Variants in TMPRSS11E observed in about 807,000 individuals in gnomAD.
The protein encoded by TMPRSS11E is transmembrane protease serine 11E.
A neutral mutation model predicts 48.1 loss-of-function variants in TMPRSS11E; 38 were observed. The observed-to-expected ratio is 0.79, with a 90% confidence interval of 0.61 to 1.04. TMPRSS11E has a LOEUF of 1.04. TMPRSS11E is among the 50% of genes least tolerant of loss of function. The pLI, the probability that TMPRSS11E is intolerant of heterozygous loss-of-function variation, is 0.00. For missense variants in TMPRSS11E, 530 were observed against 510.8 expected (o/e 1.04, Z -0.36); for synonymous variants, 158 against 171.9 (o/e 0.92, Z 0.63).
chr4:68,478,617 G>A (rs1325471739), intron 8 of TMPRSS11E, among the ~76,000 whole-genome samples: 3 of 149,318 alleles, frequency 2.0e-5, no homozygotes, highest in Admixed American at 6.7e-5. Context: ...ACCACCCCCG[G>A]CTAATTTTTG....
At chr4:68,469,124 C>T (rs777240409) in intron 4 of TMPRSS11E, among the ~76,000 whole-genome samples, 178 bp downstream of exon 4, 5 of 152,028 alleles carry the variant, frequency 3.3e-5, no homozygotes, top group Non-Finnish European at 7.4e-5. Context: ...CCAAAGTAAG[C>T]ATTTGCAAGA....
At chr4:68,466,554 C>A in intron 2 of TMPRSS11E, 77 bp from the exon 3 acceptor site, 1 of 1,513,694 alleles carries the variant, frequency 6.6e-7, no homozygotes, top group South Asian at 1.2e-5. Context: ...CTTCCAGCAA[C>A]CACCAAGCGG....
chr4:68,497,037 A>G lies in TMPRSS11E; in HGVS notation c.*233A>G, dbSNP rs912555294. On this transcript the variant is annotated 3_prime_UTR_variant, in exon 10 of 10. Coordinates refer to ENST00000305363, the MANE Select transcript of TMPRSS11E (RefSeq NM_014058.4). The stretch of plus-strand genomic sequence containing the variant: ...GAGCAATAGTTGAAACTTTATGTAC[A>G]TAGAGAAATAGATAATACAATATTA... 4 of 444,266 alleles carry G rather than the reference A, an allele frequency of 9.0e-6. No homozygotes were observed. The highest frequency in any genetic ancestry group is 8.1e-5 in the African/African-American group (4 of 49,480). The allele number at this position is 444,266 out of a possible 1,614,324, so 27.5% of individuals were successfully genotyped here. A position where few individuals can be genotyped will look rare whatever the true frequency, so the allele number is the denominator to read the frequency against.
intron 9 of TMPRSS11E, among the ~76,000 whole-genome samples, chr4:68,486,249 T>C (rs1729548871): frequency 6.6e-6 from 1 of 152,206 alleles, no homozygotes; most frequent in Non-Finnish European, 1.5e-5. Context: ...TAATTTAAGA[T>C]ATTTATATCT....
chr4:68,447,478 T>C lies in TMPRSS11E; in HGVS notation c.-35T>C. 1 of 1,606,698 alleles carries C rather than the reference T, an allele frequency of 6.2e-7. No individual in the cohort carries two copies. Among genetic ancestry groups the C allele is most frequent in the East Asian group, 2.2e-5 (1 of 44,568 alleles). On this transcript the variant is annotated 5_prime_UTR_variant, in exon 1 of 10. Transcript: ENST00000305363. ...GGATTCACACACTTGGATGTAGACC[T>C]CGACCTTCACAGGACTCTTCATTGC...
chr4:68,496,047 C>G (rs1729855595), intron 9 of TMPRSS11E, among the ~76,000 whole-genome samples: 1 of 152,056 alleles, frequency 6.6e-6, no homozygotes, highest in African/African-American at 2.4e-5. Context: ...ATATGCATTT[C>G]CTAAGTTCTG....
chr4:68,474,597 G>T, intron 5 of TMPRSS11E, 126 bp from the exon 6 acceptor site: 1 of 850,964 alleles, frequency 1.2e-6, no homozygotes. Context: ...AAGCTATGTT[G>T]CCTTCTTTAT....
At chr4:68,460,794 T>C (rs1464507398) in intron 1 of TMPRSS11E, among the ~76,000 whole-genome samples, 1 of 152,072 alleles carries the variant, frequency 6.6e-6, no homozygotes, top group Non-Finnish European at 1.5e-5. Flanking sequence ...ACAAAAATCA[T>C]GTGGATCAAT....
In TMPRSS11E at chr4:68,453,106, G is replaced by A. The variant is rs1005085474; in HGVS notation, c.11+5583G>A. On this transcript the variant is annotated intron_variant, in intron 1 of 9. Transcript: ENST00000305363. ...CTGTCTTTTATTCCCTTAGGCATAC[G>A]TGAGGCATCTGAGTGGATTTTTCAA... 2.8e-4 allele frequency among the ~76,000 whole-genome samples: 42 copies of A among 151,884 alleles called. 1 individual carries two copies. Among genetic ancestry groups the A allele is most frequent in the African/African-American group, 8.9e-4 (37 of 41,392 alleles).
chr4:68,493,978 A>G (rs923426208), intron 9 of TMPRSS11E, among the ~76,000 whole-genome samples: 32 of 152,088 alleles, frequency 2.1e-4, no homozygotes, highest in African/African-American at 7.0e-4. Flanking sequence ...TTTGAATTTC[A>G]TAATTCTGAA....
chr4:68,449,401 GAGA>G (rs1048387232), intron 1 of TMPRSS11E, among the ~76,000 whole-genome samples: 6 of 151,850 alleles, frequency 4.0e-5, no homozygotes, highest in African/African-American at 1.2e-4. Context: ...AGCAACCACT[GAGA>G]AGAAGTGAAA....
chr4:68,487,748 C>A (rs567306317), intron 9 of TMPRSS11E, among the ~76,000 whole-genome samples: 3 of 151,800 alleles, frequency 2.0e-5, no homozygotes, highest in South Asian at 4.2e-4. Flanking sequence ...ATATACCAGC[C>A]TGGCCAACAT....
At chr4:68,485,498 A>T (rs944330206) in intron 9 of TMPRSS11E, among the ~76,000 whole-genome samples, 2 of 152,112 alleles carry the variant, frequency 1.3e-5, no homozygotes, top group Non-Finnish European at 2.9e-5. Flanking sequence ...AGAAAATAAG[A>T]CTACATTACT....
At chr4:68,475,769 T>C (rs976058) in intron 6 of TMPRSS11E, among the ~76,000 whole-genome samples, 67,314 of 151,946 alleles carry the variant, frequency 0.44, 15,398 homozygotes, top group East Asian at 0.78. Flanking sequence ...CTGGCATCTA[T>C]AGTGGATCTA....
intron 4 of TMPRSS11E, among the ~76,000 whole-genome samples, chr4:68,469,325 A>T (rs1170019859): frequency 1.3e-5 from 2 of 151,914 alleles, no homozygotes; most frequent in Non-Finnish European, 2.9e-5. Context: ...CCTATTAATC[A>T]ATCTTCTTTA....
At position 68,447,463 on chromosome 4, in the gene TMPRSS11E, A is replaced by G. The variant is rs1728369769; in HGVS notation, c.-50A>G. ...GTCATTGATAGAGCTGGATTCACAC[A>G]CTTGGATGTAGACCTCGACCTTCAC... On this transcript the variant is annotated 5_prime_UTR_variant, in exon 1 of 10. Coordinates refer to ENST00000305363, the MANE Select transcript of TMPRSS11E (RefSeq NM_014058.4). 3.1e-6 allele frequency: 5 copies of G among 1,594,422 alleles called. No individual in the cohort carries two copies. Among genetic ancestry groups the G allele is most frequent in the African/African-American group, 2.7e-5 (2 of 73,756 alleles).
rs1357451493 is a variant in TMPRSS11E at position 68,497,600 on chromosome 4, AC to A, written c.*799del. 4 of 152,136 alleles carry A rather than the reference AC, an allele frequency of 2.6e-5. No individual in the cohort carries two copies. Among genetic ancestry groups the A allele is most frequent in the Admixed American group, 6.6e-5 (1 of 15,260 alleles). 9.4% of individuals were successfully genotyped at this position (152,136 alleles called of 1,614,324 possible). Reference sequence around the variant, plus strand: ...AACATATAACAATAAAATATAAATCACCCATTTGCTTGACATTATGATATGA... The same window carrying A: ...AACATATAACAATAAAATATAAATCACCATTTGCTTGACATTATGATATGA... On this transcript the variant is annotated 3_prime_UTR_variant, in exon 10 of 10. Transcript: ENST00000305363.
At chr4:68,493,562 A>G (rs34103191) in intron 9 of TMPRSS11E, among the ~76,000 whole-genome samples, 76,675 of 151,838 alleles carry the variant, frequency 0.5, 21,664 homozygotes, top group Non-Finnish European at 0.65. Context: ...CACCTTCTGG[A>G]TTTAAGCTAT....
chr4:68,449,452 A>G (rs1307279606), intron 1 of TMPRSS11E, among the ~76,000 whole-genome samples: 13 of 151,682 alleles, frequency 8.6e-5, no homozygotes, highest in Non-Finnish European at 1.5e-4. Context: ...ACATCCACAC[A>G]TATTGAGATG....
Sources: gnomAD v4.1 joint callset for allele counts (sites outside exome capture counted in the v4.1 genomes callset) on GRCh38, gnomAD v4.1.1 for gene constraint, MANE v1.5 for transcripts, NCBI Gene and HGNC (gene_info 2026-07-23, HGNC 2026-07-21) for gene names.